MICAL2: variants seen among roughly 807,000 people sequenced by gnomAD.
The protein encoded by MICAL2 is [F-actin]-monooxygenase MICAL2.
In MICAL2, 77 loss-of-function variants were observed where a neutral mutation model predicts 127.3. The observed-to-expected ratio is 0.60, with a 90% CI of 0.50 to 0.73. The LOEUF (loss-of-function observed/expected upper bound fraction) is 0.73. Among genes scored for constraint, MICAL2 ranks in the 30% least tolerant of loss-of-function variants. The pLI, the probability that MICAL2 is intolerant of heterozygous loss-of-function variation, is 0.00. For missense variants in MICAL2, 1,351 were observed against 1,434.4 expected (o/e 0.94, Z 0.94); for synonymous variants, 570 against 551.1 (o/e 1.03, Z -0.48).
chr11:12,188,200 G>A (rs1056497988), intron 3 of MICAL2, among the ~76,000 whole-genome samples: 8 of 152,094 alleles, frequency 5.3e-5, no homozygotes, highest in Admixed American at 1.3e-4. Flanking sequence ...ATATTTTATC[G>A]ATACTTTTTA....
chr11:12,284,942 G>A (rs1027373978), intron 2 of MICAL2, among the ~76,000 whole-genome samples: 1 of 152,138 alleles, frequency 6.6e-6, no homozygotes, highest in African/African-American at 2.4e-5. Flanking sequence ...CCTAGACTGA[G>A]CTGATTTCTC....
At chr11:12,183,779 A>T (rs901293) in intron 3 of MICAL2, among the ~76,000 whole-genome samples, 147,795 of 152,242 alleles carry the variant, frequency 0.97, 71,950 homozygotes, top group Non-Finnish European at 1. Context: ...TATGGCTGTG[A>T]GACTTTTTTT....
At chr11:12,267,387 G>C (rs956183473), downstream of MICAL2, among the ~76,000 whole-genome samples, 2 of 152,098 alleles carry the variant, frequency 1.3e-5, no homozygotes, top group Non-Finnish European at 2.9e-5. Context: ...TTGTTGCTCA[G>C]CCCAAAGGCC....
At chr11:12,340,573 G>A (rs1938847030) in intron 32 of MICAL2, among the ~76,000 whole-genome samples, 1 of 152,106 alleles carries the variant, frequency 6.6e-6, no homozygotes. Flanking sequence ...TGGCCAAAAA[G>A]ACACATACAA....
intron 3 of MICAL2, among the ~76,000 whole-genome samples, chr11:12,190,899 A>G (rs1028209481): frequency 2.0e-5 from 3 of 152,270 alleles, no homozygotes; most frequent in Non-Finnish European, 4.4e-5. Context: ...TCCCTTATTT[A>G]ATAAGATAAT....
At chr11:12,360,361 T>C (rs1414616891), downstream of MICAL2, among the ~76,000 whole-genome samples, 1 of 152,186 alleles carries the variant, frequency 6.6e-6, no homozygotes, top group Non-Finnish European at 1.5e-5. Context: ...CTATTTAATA[T>C]ACAAATAACC....
Position 12,243,035 on chromosome 11 carries a change from G to A in MICAL2, c.2658+263G>A, listed in dbSNP as rs911235081. 7 of 319,046 alleles carry A rather than the reference G, an allele frequency of 2.2e-5. No homozygotes were observed. In the South Asian group the frequency reaches 3.1e-4, roughly 14 times the overall value. 19.8% of individuals were successfully genotyped at this position (319,046 alleles called of 1,614,324 possible). On this transcript the variant is annotated intron_variant, in intron 20 of 27. Coordinates refer to ENST00000683283, the MANE Select transcript of MICAL2 (RefSeq NM_001282663.2). ...CAGATCGAGAAAGGCATTACTATAA[G>A]AAGCACAAGCCGGTAGACCCTAGGT...
Position 12,226,259 on chromosome 11 carries a change from G to A in MICAL2, c.1777G>A (p.Val593Met), listed in dbSNP as rs879615147. Residue 593 changes from valine (V) to methionine (M), a missense_variant, in exon 14 of 28, where the codon GTG (valine) becomes ATG (methionine). By Grantham distance (21) the Val-to-Met change is conservative. This residue lies in a region of MICAL2 where 752 missense variants were observed against 719.4 expected (regional missense o/e 1.05). Transcript: ENST00000683283. ...CGAGCGAGAGTTTGGGATCCCTCCA[G>A]TGACCACGGGCAAAGAGATGGCATC... ...VAEREFGIPP[V>M]TTGKEMASAQ... The A allele has an allele frequency of 1.9e-6, 3 of 1,614,260 alleles. No homozygotes were observed. The highest frequency in any genetic ancestry group is 2.5e-6 in the Non-Finnish European group (3 of 1,180,050).
At chr11:12,131,288 A>G (rs12281427) in intron 1 of MICAL2, among the ~76,000 whole-genome samples, 32,886 of 42,310 alleles carry the variant, frequency 0.78, 14,172 homozygotes, top group Non-Finnish European at 0.98. Context: ...CGACAGAGCG[A>G]GACTCCGTCT....
At chr11:12,325,465 A>G (rs1864344207) in intron 31 of MICAL2, among the ~76,000 whole-genome samples, 1 of 152,146 alleles carries the variant, frequency 6.6e-6, no homozygotes, top group African/African-American at 2.4e-5. Flanking sequence ...CTGCCATAAC[A>G]AAGTACCACG....
chr11:12,317,020 C>A (rs1360254400), intron 29 of MICAL2, among the ~76,000 whole-genome samples: 1 of 152,196 alleles, frequency 6.6e-6, no homozygotes, highest in East Asian at 1.9e-4. Flanking sequence ...TAGGCTACAA[C>A]TTTCCAGCAG....
At chr11:12,293,873 C>T, downstream of MICAL2, 1 of 1,610,174 alleles carries the variant, frequency 6.2e-7, no homozygotes, top group East Asian at 2.2e-5. Context: ...AGAGCTATCT[C>T]CCTTGGCTGG....
downstream of MICAL2, among the ~76,000 whole-genome samples, chr11:12,289,639 G>A (rs1421026088): frequency 6.9e-6 from 1 of 144,678 alleles, no homozygotes; most frequent in Non-Finnish European, 1.5e-5. Flanking sequence ...CGTGATCTCA[G>A]CTCACTGCAA....
intron 29 of MICAL2, among the ~76,000 whole-genome samples, chr11:12,304,657 C>T (rs867999859): frequency 0.094 from 13,607 of 144,502 alleles, 788 homozygotes; most frequent in African/African-American, 0.11. Flanking sequence ...CACACACACA[C>T]ACACACACAC....
intron 32 of MICAL2, among the ~76,000 whole-genome samples, chr11:12,345,630 C>T (rs764894783): frequency 6.6e-6 from 1 of 152,138 alleles, no homozygotes; most frequent in African/African-American, 2.4e-5. Flanking sequence ...CATACAAAGT[C>T]TTGAATTGGG....
intron 8 of MICAL2, among the ~76,000 whole-genome samples, chr11:12,217,137 T>C (rs997990784): frequency 1.3e-5 from 2 of 152,158 alleles, no homozygotes; most frequent in South Asian, 2.1e-4. Flanking sequence ...CCAGAGCCCC[T>C]GTAGTTGCTG....
At chr11:12,238,156 T>A (rs952462493) in intron 16 of MICAL2, among the ~76,000 whole-genome samples, 1 of 152,206 alleles carries the variant, frequency 6.6e-6, no homozygotes, top group Non-Finnish European at 1.5e-5. Context: ...AATGAACACA[T>A]CTTTGTTGTC....
chr11:12,160,213 G>A (rs915824229), intron 2 of MICAL2, among the ~76,000 whole-genome samples: 1 of 152,172 alleles, frequency 6.6e-6, no homozygotes, highest in African/African-American at 2.4e-5. Context: ...AGCCCCAGCA[G>A]GCTCCTCCTG....
At chr11:12,330,087 G>A (rs1864399005) in intron 32 of MICAL2, among the ~76,000 whole-genome samples, 1 of 152,148 alleles carries the variant, frequency 6.6e-6, no homozygotes, top group Non-Finnish European at 1.5e-5. Context: ...AGGGGCTGGA[G>A]ACTAAAAGAG....
Sources: allele counts gnomAD v4.1 joint callset (sites outside exome capture counted in the v4.1 genomes callset), GRCh38; gene constraint gnomAD v4.1.1; regional missense constraint gnomAD v4.1.1; transcripts MANE v1.5; gene names NCBI Gene and HGNC (gene_info 2026-07-23, HGNC 2026-07-21).